Variants in ROS1 observed in about 807,000 individuals in gnomAD.
ROS1 encodes proto-oncogene tyrosine-protein kinase ROS.
In ROS1, 263 loss-of-function variants were observed where a neutral mutation model predicts 273.5. The ratio of observed to expected loss-of-function variants is 0.96; its 90% CI spans 0.87 to 1.06. ROS1 has a LOEUF of 1.06. Ranked by LOEUF, ROS1 falls within the 50% of genes least tolerant of loss-of-function variation. ROS1 has a pLI of 0.00. For synonymous variants in ROS1, 1,008 were observed against 954.1 expected (o/e 1.06, Z -1.04); for missense variants, 2,833 against 2,751.1 (o/e 1.03, Z -0.67).
chr6:117,366,945 T>A (rs551795956), intron 18 of ROS1, among the ~76,000 whole-genome samples: 1 of 152,310 alleles, frequency 6.6e-6, no homozygotes, highest in East Asian at 1.9e-4. Flanking sequence ...ACTTCATTAG[T>A]TCAGAGATTA....
At chr6:117,319,509 A>G (rs1317682455) in intron 37 of ROS1, among the ~76,000 whole-genome samples, 1 of 152,124 alleles carries the variant, frequency 6.6e-6, no homozygotes, top group African/African-American at 2.4e-5. Context: ...AGCCTAAAAT[A>G]CTTACTATCT....
rs371523377 is a variant in ROS1 at position 117,425,550 on chromosome 6, G to A, written c.107C>T (p.Ser36Leu). 24 of 1,595,994 alleles carry A rather than the reference G, an allele frequency of 1.5e-5. No homozygotes were observed. The highest frequency in any genetic ancestry group is 1.8e-5 in the Admixed American group (1 of 55,472). ...QCTVLNSCLK[S>L]CVTNLGQQLD... The stretch of plus-strand genomic sequence containing the variant: ...GAGACTTACCAGATTAGTTACACAC[G>A]ACTTTAGGCAGCTATTTAAAACTGT... Residue 36 changes from serine (S) to leucine (L), a missense_variant, in exon 1 of 44, where the codon TCG becomes TTG. Coordinates refer to ENST00000368507, the MANE Select transcript of ROS1 (RefSeq NM_001378902.1).
intron 33 of ROS1, 59 bp downstream of exon 33, chr6:117,329,270 A>G (rs764052175): frequency 2.5e-6 from 2 of 795,834 alleles, no homozygotes; most frequent in Non-Finnish European, 4.2e-6. Context: ...ACTTTTGATT[A>G]CTTTATAATT....
intron 22 of ROS1, 144 bp from the exon 23 acceptor site, chr6:117,360,549 T>C: frequency 3.9e-6 from 2 of 517,690 alleles, no homozygotes; most frequent in South Asian, 6.7e-5. Context: ...GACATTAATA[T>C]ACAGCAATAT....
intron 5 of ROS1, among the ~76,000 whole-genome samples, chr6:117,405,313 A>G (rs1008988697): frequency 1.1e-4 from 16 of 152,222 alleles, no homozygotes; most frequent in Admixed American, 8.5e-4. Flanking sequence ...AGAAAAATCA[A>G]GGCCATTGTC....
At chr6:117,292,416 C>T (rs1453639116) in intron 43 of ROS1, among the ~76,000 whole-genome samples, 11 of 152,176 alleles carry the variant, frequency 7.2e-5, no homozygotes. Context: ...TCACTCTTTC[C>T]TTTCTAAGCC....
rs141171688 is a variant in ROS1 at position 117,365,146 on chromosome 6, T to A, written c.3017A>T (p.Tyr1006Phe). Reference sequence around the variant, plus strand: ...AGTGACAGAAAGATTAAATAAGGCATAAGGTTCCAGTCCTTCCACAGTAAA... The same window carrying A: ...AGTGACAGAAAGATTAAATAAGGCAAAAGGTTCCAGTCCTTCCACAGTAAA... The part of the protein sequence containing the change: ...PVFTVEGLEP[Y>F]ALFNLSVTPY... Residue 1006 changes from tyrosine (Y) to phenylalanine (F), a missense_variant, in exon 21 of 44, where the codon TAT becomes TTT. Physicochemically the swap from Tyr to Phe is conservative, Grantham distance 22. Transcript: ENST00000368507. 1.9e-6 allele frequency: 3 copies of A among 1,613,238 alleles called. No homozygotes were observed. Among genetic ancestry groups the A allele is most frequent in the Non-Finnish European group, 1.7e-6 (2 of 1,179,354 alleles).
chr6:117,394,481 C>T, intron 10 of ROS1, 135 bp from the exon 11 acceptor site: 1 of 808,892 alleles, frequency 1.2e-6, no homozygotes, highest in South Asian at 4.4e-5. Flanking sequence ...AAATATTCTT[C>T]TAAATTATTC....
At position 117,403,187 on chromosome 6, in the gene ROS1, G is replaced by A. The variant is rs2128724265; in HGVS notation, c.556C>T (p.Gln186Ter). Residue 186 changes from glutamine to a stop codon, truncating the protein, a stop_gained, in exon 7 of 44, where the codon CAG (glutamine) becomes TAG (stop). Coordinates refer to ENST00000368507, the MANE Select transcript of ROS1 (RefSeq NM_001378902.1). LOFTEE classifies it high-confidence loss of function. Reference sequence around the variant, plus strand: ...CTGGGACTTGGAGGGGAGTAGAGCTGCAGCTGCGCTGTGAAGATCCAAACC... The same window carrying A: ...CTGGGACTTGGAGGGGAGTAGAGCTACAGCTGCGCTGTGAAGATCCAAACC... ...RVVWIFTAQL[Q>*]LYSPPSPSYR... 1.2e-6 allele frequency: 2 copies of A among 1,613,324 alleles called. No homozygotes were observed. Among genetic ancestry groups the A allele is most frequent in the Non-Finnish European group, 1.7e-6 (2 of 1,179,788 alleles).
chr6:117,400,278 C>T (rs1773835410), intron 7 of ROS1, among the ~76,000 whole-genome samples: 3 of 152,178 alleles, frequency 2.0e-5, no homozygotes, highest in Non-Finnish European at 4.4e-5. Context: ...CTCTAAACTT[C>T]CATGGGAATT....
chr6:117,394,627 T>C lies in ROS1; in HGVS notation c.995A>G (p.His332Arg), dbSNP rs551116874. The C allele has an allele frequency of 1.6e-5, 25 of 1,605,288 alleles. No homozygotes were observed. Among genetic ancestry groups the C allele is most frequent in the South Asian group, 1.5e-4 (13 of 89,552 alleles). The change falls in exon 10 of 44, where the codon CAT becomes CGT. Residue 332 changes from histidine to arginine, a missense_variant. His to Arg is a conservative substitution (Grantham distance 29). Coordinates refer to ENST00000368507, the MANE Select transcript of ROS1 (RefSeq NM_001378902.1). ...CTTATCATACTGACCTGTAATATTA[T>C]GGTATATAGCATCCAACCGAAGGCA... The part of the protein sequence containing the change: ...AHCLRLDAIY[H>R]NITGISVDVH...
chr6:117,294,270 C>A (rs1442366768), intron 43 of ROS1, among the ~76,000 whole-genome samples: 1 of 152,100 alleles, frequency 6.6e-6, no homozygotes, highest in African/African-American at 2.4e-5. Context: ...GCCATTTTCA[C>A]CACTCTTATT....
In ROS1 at chr6:117,321,331, T is replaced by G; in HGVS notation, c.5687A>C (p.Glu1896Ala). Reference protein sequence around the residue: ...AKEGVTVLINEDKELAELRGL... With the variant: ...AKEGVTVLINADKELAELRGL... ...TCGCAGCTCAGCCAACTCTTTGTCT[T>G]CGTTTATAAGCACTGTCACCCCTTC... The change falls in exon 36 of 44, where the codon GAA becomes GCA. Residue 1896 changes from glutamate to alanine, a missense_variant. By Grantham distance (107) the Glu-to-Ala change is moderately radical. Transcript: ENST00000368507. 1 of 1,613,778 alleles carries G rather than the reference T, an allele frequency of 6.2e-7. No individual in the cohort carries two copies.
intron 12 of ROS1, among the ~76,000 whole-genome samples, chr6:117,391,063 A>G (rs938649340): frequency 2.0e-5 from 3 of 152,168 alleles, no homozygotes; most frequent in African/African-American, 7.2e-5. Flanking sequence ...AAAACTGTCA[A>G]ATCATTTTCC....
intron 18 of ROS1, among the ~76,000 whole-genome samples, chr6:117,371,081 G>A (rs1002316271): frequency 6.6e-6 from 1 of 152,176 alleles, no homozygotes; most frequent in Non-Finnish European, 1.5e-5. Flanking sequence ...TAGGAGGCAA[G>A]GACTAACTTG....
At chr6:117,377,901 A>G (rs561808079) in intron 18 of ROS1, among the ~76,000 whole-genome samples, 33 of 152,318 alleles carry the variant, frequency 2.2e-4, no homozygotes, top group African/African-American at 7.9e-4. Flanking sequence ...AAGAAGATAT[A>G]TAAATGGCTG....
rs919413925 is a variant in ROS1, at chr6:117,342,612, T to G, written c.4507-68A>C. The G allele has an allele frequency of 2.8e-6, 3 of 1,062,998 alleles. No individual in the cohort carries two copies. The African/African-American group carries it at 4.9e-5, about 17-fold the overall frequency. The allele number at this position is 1,062,998 out of a possible 1,614,324, so 65.8% of individuals were successfully genotyped here. ...TTTATACAAATTGGTAGAAATTATT[T>G]AATCAAAGAGAGAACAAAGTTAAAG... On this transcript the variant is annotated intron_variant, in intron 28 of 43. Coordinates refer to ENST00000368507, the MANE Select transcript of ROS1 (RefSeq NM_001378902.1).
intron 3 of ROS1, among the ~76,000 whole-genome samples, chr6:117,415,898 T>G (rs1260575551): frequency 6.6e-6 from 1 of 152,156 alleles, no homozygotes; most frequent in African/African-American, 2.4e-5. Flanking sequence ...AGAATCAGCA[T>G]TTTAATAAGA....
rs2128622520 is a variant in ROS1 at position 117,341,515 on chromosome 6, G to A, written c.4769C>T (p.Ala1590Val). ...AGGAATTAGGGCCAGGTGTGAGATT[G>A]CCAACTGATAACGGACTGATTCTTT... ...GPKESVRYQL[A>V]ISHLALIPET... Residue 1590 changes from alanine to valine, a missense_variant, in exon 30 of 44, where the codon GCA becomes GTA. Physicochemically the swap from Ala to Val is moderately conservative, Grantham distance 64. Transcript: ENST00000368507. The A allele has an allele frequency of 6.2e-7, 1 of 1,613,690 alleles. No individual in the cohort carries two copies.
Sources: allele counts gnomAD v4.1 joint callset (sites outside exome capture counted in the v4.1 genomes callset), GRCh38; gene constraint gnomAD v4.1.1; transcripts MANE v1.5; gene names NCBI Gene and HGNC (gene_info 2026-07-23, HGNC 2026-07-21).